Variants in DOCK10 observed in about 807,000 individuals in gnomAD.
DOCK10 encodes the protein dedicator of cytokinesis protein 10.
A neutral mutation model predicts 280.1 loss-of-function variants in DOCK10; 145 were observed. The observed-to-expected ratio is 0.52, with a 90% CI of 0.45 to 0.59. The LOEUF is 0.59. Among genes scored for constraint, DOCK10 ranks in the 20% least tolerant of loss-of-function variants. The pLI is 0.00. For missense variants in DOCK10, 2,368 were observed against 2,651.7 expected, an observed-to-expected ratio of 0.89 and a Z score of 2.35; for synonymous variants, 915 against 942.2, an observed-to-expected ratio of 0.97 and a Z score of 0.53.
chr2:224,779,180 C>T (rs528485695), intron 50 of DOCK10, among the ~76,000 whole-genome samples: 1 of 151,332 alleles, frequency 6.6e-6, no homozygotes, highest in African/African-American at 2.4e-5. Context: ...CCTCAGAATA[C>T]TAGATTAAGT....
In DOCK10 at chr2:224,766,318, CATA is replaced by C. The variant is rs1302199597; in HGVS notation, c.6445-484_6445-482del. Among the ~76,000 whole-genome samples, 10 of 152,224 alleles carry C rather than the reference CATA, an allele frequency of 6.6e-5. No individual in the cohort carries two copies. In the East Asian group the frequency reaches 1.7e-3, roughly 26 times the overall value. On this transcript the variant is annotated intron_variant, in intron 55 of 55. Transcript: ENST00000258390. ...ATTGATTCAAACAATGACGTGTAAG[CATA>C]ATAACAACAGAAACTCCAGACACTT...
chr2:225,024,847 G>A (rs920987987), intron 1 of DOCK10, among the ~76,000 whole-genome samples: 4 of 151,830 alleles, frequency 2.6e-5, no homozygotes, highest in Admixed American at 6.6e-5. Flanking sequence ...CTGAGATCAC[G>A]CTACTGTGCT....
At chr2:225,022,190 A>C (rs995291367) in intron 1 of DOCK10, among the ~76,000 whole-genome samples, 12 of 152,140 alleles carry the variant, frequency 7.9e-5, no homozygotes, top group Non-Finnish European at 2.9e-5. Flanking sequence ...TGGGCTCTGG[A>C]GCTGGAATCC....
At chr2:224,896,801 G>A (rs1247581819) in intron 3 of DOCK10, among the ~76,000 whole-genome samples, 2 of 152,302 alleles carry the variant, frequency 1.3e-5, no homozygotes, top group African/African-American at 4.8e-5. Context: ...TGCCTCTGGG[G>A]TGCTGTGAAA....
chr2:224,985,099 A>G (rs769188382), intron 1 of DOCK10, among the ~76,000 whole-genome samples: 1 of 152,158 alleles, frequency 6.6e-6, no homozygotes, highest in Admixed American at 6.5e-5. Flanking sequence ...AAGATGAATC[A>G]TTAATTTGGC....
intron 1 of DOCK10, among the ~76,000 whole-genome samples, chr2:225,031,963 T>C (rs1007374183): frequency 6.6e-6 from 1 of 152,178 alleles, no homozygotes; most frequent in Non-Finnish European, 1.5e-5. Context: ...ATTCCCTTCA[T>C]TGCATTCTTA....
chr2:224,823,683 C>T, intron 27 of DOCK10, 36 bp from the exon 28 acceptor site: 1 of 1,529,340 alleles, frequency 6.5e-7, no homozygotes, highest in Admixed American at 2.4e-5. Context: ...TCTAATGTGG[C>T]ATGTGAAATA....
intron 50 of DOCK10, among the ~76,000 whole-genome samples, chr2:224,780,641 C>T (rs1253040846): frequency 6.6e-6 from 1 of 152,100 alleles, no homozygotes; most frequent in Non-Finnish European, 1.5e-5. Flanking sequence ...GTGGTTCACG[C>T]CTGCAATCCC....
At chr2:224,792,905 C>T in intron 47 of DOCK10, 69 bp downstream of exon 47, 1 of 1,183,306 alleles carries the variant, frequency 8.5e-7, no homozygotes, top group Non-Finnish European at 1.2e-6. Context: ...GAAGGTTTCA[C>T]TGAAGTAGAA....
intron 1 of DOCK10, among the ~76,000 whole-genome samples, chr2:225,035,619 T>TA (rs1690237892): frequency 1.6e-5 from 2 of 125,626 alleles, no homozygotes; most frequent in African/African-American, 7.2e-5. Context: ...GTGTGTTGTA[T>TA]TAGTCAGTGC....
At chr2:224,783,423 C>T (rs938559794) in intron 50 of DOCK10, among the ~76,000 whole-genome samples, 3 of 151,934 alleles carry the variant, frequency 2.0e-5, no homozygotes, top group Non-Finnish European at 2.9e-5. Context: ...TACAGGCGCT[C>T]GCCACCACGT....
At chr2:224,816,876 C>T (rs1250900724) in intron 29 of DOCK10, among the ~76,000 whole-genome samples, 163 bp from the exon 30 acceptor site, 1 of 152,202 alleles carries the variant, frequency 6.6e-6, no homozygotes, top group Non-Finnish European at 1.5e-5. Context: ...TTTGTCCCCT[C>T]CGAACTGCAG....
At position 224,889,963 on chromosome 2, in the gene DOCK10, A is replaced by T. The variant is rs143229696; in HGVS notation, c.417-3432T>A. 2.6e-5 allele frequency among the ~76,000 whole-genome samples: 4 copies of T among 152,348 alleles called. No homozygotes were observed. In the East Asian group the frequency reaches 7.7e-4, roughly 29 times the overall value. ...CCCTGTCTGCAGAGAACAGAAGATG[A>T]GTGTTCCAGGATTCTTAAAATGGTG... On this transcript the variant is annotated intron_variant, in intron 4 of 55. Coordinates refer to ENST00000258390, the MANE Select transcript of DOCK10 (RefSeq NM_014689.3).
intron 1 of DOCK10, among the ~76,000 whole-genome samples, chr2:224,999,168 C>T (rs1279877402): frequency 6.6e-6 from 1 of 152,064 alleles, no homozygotes; most frequent in Admixed American, 6.6e-5. Context: ...GCCTGGGTGA[C>T]AGAGTAAGAC....
In DOCK10 at chr2:224,797,292, G is replaced by A. The variant is rs984806526; in HGVS notation, c.4645-146C>T. The A allele has an allele frequency of 6.3e-5, 39 of 614,922 alleles. No homozygotes were observed. In the African/African-American group the frequency reaches 6.5e-4, roughly 10 times the overall value. 38.1% of individuals were successfully genotyped at this position (614,922 alleles called of 1,614,324 possible). On this transcript the variant is annotated intron_variant, in intron 42 of 55. Coordinates refer to ENST00000258390, the MANE Select transcript of DOCK10 (RefSeq NM_014689.3). The stretch of plus-strand genomic sequence containing the variant: ...TTTTTTTTTTTCATTTGCAAGTGAG[G>A]AGGATAGAATTTGTTAAGGCCTATG...
At chr2:225,040,296 A>C (rs554851557) in intron 1 of DOCK10, among the ~76,000 whole-genome samples, 2 of 152,324 alleles carry the variant, frequency 1.3e-5, no homozygotes, top group South Asian at 2.1e-4. Context: ...AATAGCAGCC[A>C]AAACTGCCTG....
intron 3 of DOCK10, among the ~76,000 whole-genome samples, chr2:224,902,955 G>A (rs1419508085): frequency 6.6e-6 from 1 of 151,928 alleles, no homozygotes; most frequent in Non-Finnish European, 1.5e-5. Flanking sequence ...AAAATTAGCC[G>A]GTTGTGGTGG....
intron 1 of DOCK10, among the ~76,000 whole-genome samples, chr2:224,980,286 A>G (rs1705677035): frequency 6.6e-6 from 1 of 152,236 alleles, no homozygotes; most frequent in African/African-American, 2.4e-5. Flanking sequence ...ATTTGCATGA[A>G]TGAAAACTCC....
At position 224,773,138 on chromosome 2, in the gene DOCK10, CT is replaced by C; in HGVS notation, c.6204+18del. On this transcript the variant is annotated intron_variant, in intron 53 of 55. Transcript: ENST00000258390. Reference sequence around the variant, plus strand: ...TTCATTGGCCATGTGCATCTCAGCCCTGGGCAATGCTTACTCACCTTCACGC... The same window carrying C: ...TTCATTGGCCATGTGCATCTCAGCCCGGGCAATGCTTACTCACCTTCACGC... The C allele has an allele frequency of 6.3e-7, 1 of 1,590,914 alleles. No homozygotes were observed. The highest frequency in any genetic ancestry group is 8.6e-7 in the Non-Finnish European group (1 of 1,164,046).
Sources: gnomAD v4.1 joint callset for allele counts (sites outside exome capture counted in the v4.1 genomes callset) on GRCh38, gnomAD v4.1.1 for gene constraint, MANE v1.5 for transcripts, NCBI Gene and HGNC (gene_info 2026-07-23, HGNC 2026-07-21) for gene names.